Variants in DOCK1 observed in about 807,000 individuals in gnomAD.
The protein encoded by DOCK1 is dedicator of cytokinesis protein 1.
Under a neutral mutation model 262.7 loss-of-function variants are expected in DOCK1, and 138 were observed. That is an observed-to-expected ratio of 0.53 (90% confidence interval 0.46 to 0.61). DOCK1 has a LOEUF of 0.61. DOCK1 is among the 20% of genes least tolerant of loss of function. DOCK1 has a pLI of 0.00. For missense variants in DOCK1, 1,908 were observed against 2,370.7 expected (o/e 0.80, Z 4.05); for synonymous variants, 866 against 867.4 (o/e 1.00, Z 0.03).
chr10:127,396,665 CT>C (rs2066868853), intron 38 of DOCK1, among the ~76,000 whole-genome samples: 1 of 150,918 alleles, frequency 6.6e-6, no homozygotes, highest in South Asian at 2.1e-4. Context: ...GCAACTGTAT[CT>C]CTTGCTGCCT....
chr10:126,922,651 T>C (rs2033317708), intron 1 of DOCK1, among the ~76,000 whole-genome samples: 1 of 152,294 alleles, frequency 6.6e-6, no homozygotes, highest in Non-Finnish European at 1.5e-5. Context: ...GACATCCAAA[T>C]GGTATCAGTG....
intron 12 of DOCK1, among the ~76,000 whole-genome samples, chr10:127,017,624 C>T (rs1462454392): frequency 6.6e-5 from 10 of 152,136 alleles, no homozygotes; most frequent in South Asian, 2.1e-4. Flanking sequence ...CACAGGCATG[C>T]GCGCATACCC....
intron 29 of DOCK1, among the ~76,000 whole-genome samples, chr10:127,331,825 CA>C (rs2062995196): frequency 2.0e-5 from 3 of 152,158 alleles, no homozygotes; most frequent in Admixed American, 2.0e-4. Context: ...GTGGCATATG[CA>C]TCCCAAAGCC....
intron 29 of DOCK1, among the ~76,000 whole-genome samples, chr10:127,312,977 G>A (rs2062120334): frequency 6.6e-6 from 1 of 152,052 alleles, no homozygotes; most frequent in African/African-American, 2.4e-5. Context: ...CACTCCCCTA[G>A]CCTGGCCATT....
At chr10:127,273,407 C>T (rs2060635598) in intron 29 of DOCK1, among the ~76,000 whole-genome samples, 1 of 152,184 alleles carries the variant, frequency 6.6e-6, no homozygotes, top group Non-Finnish European at 1.5e-5. Context: ...TCTGGAAGTT[C>T]CCTGCTCCCT....
intron 27 of DOCK1, among the ~76,000 whole-genome samples, chr10:127,201,158 C>G (rs1469637130): frequency 6.6e-6 from 1 of 152,222 alleles, no homozygotes; most frequent in East Asian, 1.9e-4. Flanking sequence ...TCAAGGTGCC[C>G]CAGTGGGGCC....
chr10:127,068,335 T>G (rs1397111175), intron 23 of DOCK1, among the ~76,000 whole-genome samples: 1 of 152,192 alleles, frequency 6.6e-6, no homozygotes, highest in Non-Finnish European at 1.5e-5. Flanking sequence ...ACAAATGATC[T>G]GAATGTGTTA....
intron 29 of DOCK1, among the ~76,000 whole-genome samples, chr10:127,284,870 C>T (rs150127815): frequency 2.6e-5 from 4 of 152,278 alleles, no homozygotes; most frequent in East Asian, 1.9e-4. Context: ...CGGTGGCTCA[C>T]GCTTGTAATC....
chr10:127,420,896 AGTTTATTT>A (rs1554966377), intron 46 of DOCK1, among the ~76,000 whole-genome samples: 2,229 of 117,278 alleles, frequency 0.019, 49 homozygotes, highest in African/African-American at 0.058. Flanking sequence ...CACCGTGAGC[AGTTTATTT>A]GTTTGTTTGT....
intron 25 of DOCK1, among the ~76,000 whole-genome samples, chr10:127,111,755 C>T (rs911296002): frequency 9.9e-5 from 15 of 152,106 alleles, no homozygotes; most frequent in African/African-American, 2.4e-4. Flanking sequence ...ACACACACAG[C>T]GACATACTGC....
intron 37 of DOCK1, among the ~76,000 whole-genome samples, chr10:127,381,664 A>G (rs934950910): frequency 1.3e-5 from 2 of 152,220 alleles, no homozygotes; most frequent in Admixed American, 1.3e-4. Context: ...TTCCTTGTTC[A>G]GGACTACAGG....
chr10:127,243,698 T>A (rs868250148), intron 27 of DOCK1, among the ~76,000 whole-genome samples: 5 of 152,088 alleles, frequency 3.3e-5, no homozygotes, highest in African/African-American at 9.7e-5. Context: ...TGCCAGGCAG[T>A]AGCCAAGGCC....
At chr10:127,441,841 C>G (rs1329524667) in intron 49 of DOCK1, among the ~76,000 whole-genome samples, 2 of 152,242 alleles carry the variant, frequency 1.3e-5, no homozygotes, top group African/African-American at 4.8e-5. Flanking sequence ...ATTTCCTGAC[C>G]TTTAGCTGAG....
At chr10:127,440,229 A>AC (rs2070013294) in intron 49 of DOCK1, among the ~76,000 whole-genome samples, 1 of 151,480 alleles carries the variant, frequency 6.6e-6, no homozygotes, top group Non-Finnish European at 1.5e-5. Flanking sequence ...TAGAATGAGG[A>AC]CCCACTCATT....
At chr10:127,329,678 A>AT (rs1272304393) in intron 29 of DOCK1, among the ~76,000 whole-genome samples, 1 of 152,100 alleles carries the variant, frequency 6.6e-6, no homozygotes, top group African/African-American at 2.4e-5. Flanking sequence ...GCTGCTGGAC[A>AT]TTTCTGATGT....
Position 127,419,718 on chromosome 10 carries a change from T to A in DOCK1, c.4745T>A (p.Ile1582Asn), listed in dbSNP as rs1268682204. 1 of 1,604,312 alleles carries A rather than the reference T, an allele frequency of 6.2e-7. No homozygotes were observed. The highest frequency in any genetic ancestry group is 8.5e-7 in the Non-Finnish European group (1 of 1,175,216). Residue 1582 changes from isoleucine (I) to asparagine (N), a missense_variant, in exon 46 of 52, where the codon ATC (isoleucine) becomes AAC (asparagine). Ile to Asn is a moderately radical substitution (Grantham distance 149, BLOSUM62 -3). This residue lies in a region of DOCK1 where 383 missense variants were observed against 420.1 expected (regional missense o/e 0.91). Coordinates refer to ENST00000623213, the MANE Select transcript of DOCK1 (RefSeq NM_001290223.2). ...GAGCACCCTGAGGCCCATGAAAAGA[T>A]CGAGAAGCTCAAGGACCTGATTGCT... ...LQEHPEAHEKIEKLKDLIAWQ... is the reference protein window; with the variant it reads ...LQEHPEAHEKNEKLKDLIAWQ...
chr10:127,253,727 T>A (rs1200128335), intron 28 of DOCK1, among the ~76,000 whole-genome samples: 1 of 151,734 alleles, frequency 6.6e-6, no homozygotes, highest in African/African-American at 2.4e-5. Context: ...TATAAAAAAA[T>A]AGCCAGGTAT....
chr10:127,398,687 T>TG (rs2067057989), intron 38 of DOCK1, among the ~76,000 whole-genome samples: 1 of 152,222 alleles, frequency 6.6e-6, no homozygotes, highest in Non-Finnish European at 1.5e-5. Context: ...AAGCATCCTG[T>TG]GAGGTATCTC....
chr10:127,257,122 A>G (rs1459396820), intron 28 of DOCK1, among the ~76,000 whole-genome samples: 1 of 152,242 alleles, frequency 6.6e-6, no homozygotes, highest in Non-Finnish European at 1.5e-5. Flanking sequence ...GTTTCAGAAT[A>G]TATTCTTGAA....
Sources: gnomAD v4.1 joint callset for allele counts (sites outside exome capture counted in the v4.1 genomes callset) on GRCh38, gnomAD v4.1.1 for gene constraint, gnomAD v4.1.1 regional missense constraint, MANE v1.5 for transcripts, NCBI Gene and HGNC (gene_info 2026-07-23, HGNC 2026-07-21) for gene names.